The following LRBA variants were observed in gnomAD, a reference collection of about 807,000 sequenced individuals.
The protein encoded by LRBA is LPS responsive beige-like anchor protein.
A neutral mutation model predicts 330.0 loss-of-function variants in LRBA; 176 were observed. That is an observed-to-expected ratio of 0.53 (90% confidence interval 0.47 to 0.60). The LOEUF (loss-of-function observed/expected upper bound fraction) is 0.60, where lower values mean the gene tolerates loss of function less well. LRBA is among the 20% of genes least tolerant of loss of function. The probability of loss-of-function intolerance (pLI) is 0.00; values close to 1 mark genes in which losing one functional copy is unlikely to be tolerated. For synonymous variants in LRBA, 1,230 were observed against 1,193.0 expected, an observed-to-expected ratio of 1.03 and a Z score of -0.64; for missense variants, 3,259 against 3,444.8, an observed-to-expected ratio of 0.95 and a Z score of 1.35.
intron 30 of LRBA, among the ~76,000 whole-genome samples, chr4:150,823,393 A>C (rs1308412898): frequency 6.6e-6 from 1 of 152,176 alleles, no homozygotes; most frequent in African/African-American, 2.4e-5. Flanking sequence ...AGTTTATTAT[A>C]TAATCCCCAG....
chr4:150,699,305 A>C (rs1331132134), intron 36 of LRBA, among the ~76,000 whole-genome samples: 1 of 152,124 alleles, frequency 6.6e-6, no homozygotes, highest in African/African-American at 2.4e-5. Context: ...TAGGAGATGC[A>C]ATATCTAGTA....
intron 13 of LRBA, 32 bp from the exon 14 acceptor site, chr4:150,900,249 C>G: frequency 1.3e-6 from 2 of 1,537,342 alleles, no homozygotes; most frequent in Non-Finnish European, 1.8e-6. Context: ...CTTAGAGAAC[C>G]CCACCAGCAT....
intron 48 of LRBA, among the ~76,000 whole-genome samples, chr4:150,340,304 A>C (rs1037237767): frequency 1.3e-5 from 2 of 152,206 alleles, no homozygotes; most frequent in Admixed American, 6.5e-5. Flanking sequence ...TAGAGTTCTA[A>C]GTAAATAGTA....
chr4:150,935,375 G>GT (rs1734986454), intron 2 of LRBA, among the ~76,000 whole-genome samples: 2 of 151,616 alleles, frequency 1.3e-5, no homozygotes, highest in African/African-American at 4.8e-5. Context: ...GAAAATACAA[G>GT]AGTTTTAAAA....
At chr4:150,597,023 T>C (rs190916836) in intron 38 of LRBA, 4 of 865,012 alleles carry the variant, frequency 4.6e-6, no homozygotes, top group East Asian at 2.8e-5. Flanking sequence ...GTTTTGTTTT[T>C]AACATTTTGG....
At chr4:150,970,405 T>C (rs1030412347) in intron 2 of LRBA, among the ~76,000 whole-genome samples, 1 of 151,632 alleles carries the variant, frequency 6.6e-6, no homozygotes, top group Non-Finnish European at 1.5e-5. Flanking sequence ...GAGGTTGAGG[T>C]GGGAGGATCG....
intron 40 of LRBA, among the ~76,000 whole-genome samples, chr4:150,512,771 T>C (rs1761966728): frequency 6.7e-6 from 1 of 149,592 alleles, no homozygotes. Context: ...AGTGAATTAT[T>C]AGAACCTAAA....
chr4:150,539,306 G>A (rs1002080402), intron 40 of LRBA, among the ~76,000 whole-genome samples: 2 of 151,970 alleles, frequency 1.3e-5, no homozygotes, highest in Admixed American at 6.6e-5. Context: ...CCATGAACTG[G>A]GTAAGTTATT....
intron 47 of LRBA, among the ~76,000 whole-genome samples, chr4:150,366,982 T>G (rs1159756544): frequency 6.6e-6 from 1 of 152,176 alleles, no homozygotes; most frequent in Non-Finnish European, 1.5e-5. Flanking sequence ...AAATAAAAGC[T>G]TCAAAGTAGA....
chr4:150,993,839 G>A (rs1328915105), intron 2 of LRBA, among the ~76,000 whole-genome samples: 1 of 152,092 alleles, frequency 6.6e-6, no homozygotes, highest in African/African-American at 2.4e-5. Context: ...GGAATTATGG[G>A]AGTACAATTC....
intron 50 of LRBA, among the ~76,000 whole-genome samples, chr4:150,318,053 G>A (rs905106001): frequency 6.6e-6 from 1 of 152,158 alleles, no homozygotes; most frequent in Non-Finnish European, 1.5e-5. Context: ...TGAGGACACT[G>A]AGCCCAGGGA....
intron 44 of LRBA, among the ~76,000 whole-genome samples, chr4:150,464,727 C>A (rs1161548648): frequency 1.3e-5 from 2 of 152,028 alleles, no homozygotes; most frequent in Non-Finnish European, 2.9e-5. Context: ...TAAGCTGTCA[C>A]AGCTCAAGTG....
intron 28 of LRBA, among the ~76,000 whole-genome samples, chr4:150,838,147 T>G (rs1249401182): frequency 6.6e-6 from 1 of 152,250 alleles, no homozygotes; most frequent in Non-Finnish European, 1.5e-5. Flanking sequence ...GTAGAGTTTC[T>G]GCCAAGAGAT....
At chr4:150,265,949 G>A (rs1219391358) in intron 56 of LRBA, 137 bp from the exon 57 acceptor site, 3 of 623,112 alleles carry the variant, frequency 4.8e-6, no homozygotes, top group South Asian at 1.8e-5. Flanking sequence ...ACTAAGGTAT[G>A]TATTTCATGA....
chr4:150,777,153 G>T (rs1737494436), intron 34 of LRBA, among the ~76,000 whole-genome samples: 2 of 151,898 alleles, frequency 1.3e-5, no homozygotes, highest in South Asian at 2.1e-4. Context: ...AAGTGCAGGG[G>T]CATGATTATA....
At chr4:150,682,599 G>T (rs543436930) in intron 37 of LRBA, among the ~76,000 whole-genome samples, 39 of 152,060 alleles carry the variant, frequency 2.6e-4, no homozygotes, top group Admixed American at 1.6e-3. Flanking sequence ...GCAAATTTTT[G>T]AAGTTTACTT....
At chr4:150,397,135 A>C (rs1346556570) in intron 47 of LRBA, among the ~76,000 whole-genome samples, 1 of 152,162 alleles carries the variant, frequency 6.6e-6, no homozygotes, top group African/African-American at 2.4e-5. Context: ...TATATACTAC[A>C]TTTTTATATC....
chr4:150,419,965 C>T (rs1000928066), intron 46 of LRBA, among the ~76,000 whole-genome samples: 1 of 149,700 alleles, frequency 6.7e-6, no homozygotes, highest in African/African-American at 2.4e-5. Flanking sequence ...GCCCAGGCAC[C>T]GTGGCTAAGG....
chr4:150,358,024 AT>A (rs1440526209), intron 47 of LRBA, among the ~76,000 whole-genome samples: 2 of 152,126 alleles, frequency 1.3e-5, no homozygotes, highest in East Asian at 3.8e-4. Flanking sequence ...CATTATTTCT[AT>A]TCCTGAGATA....
Sources: allele counts gnomAD v4.1 joint callset (sites outside exome capture counted in the v4.1 genomes callset), GRCh38; gene constraint gnomAD v4.1.1; transcripts MANE v1.5; gene names NCBI Gene and HGNC (gene_info 2026-07-23, HGNC 2026-07-21).